Variants in ERBB4 observed in about 807,000 individuals in gnomAD.
ERBB4 encodes erb-b2 receptor tyrosine kinase 4, also known as receptor tyrosine-protein kinase erbB-4.
Under a neutral mutation model 158.0 loss-of-function variants are expected in ERBB4, and 42 were observed. The ratio of observed to expected loss-of-function variants is 0.27; its 90% CI spans 0.21 to 0.34. ERBB4 has a LOEUF of 0.34. Among genes scored for constraint, ERBB4 ranks in the 10% least tolerant of loss-of-function variants. ERBB4 has a pLI of 1.00. For missense variants in ERBB4, 1,333 were observed against 1,624.1 expected (o/e 0.82, Z 3.08); for synonymous variants, 583 against 558.7 (o/e 1.04, Z -0.61).
chr2:211,785,278 T>G (rs567661925), intron 4 of ERBB4, among the ~76,000 whole-genome samples: 1 of 152,124 alleles, frequency 6.6e-6, no homozygotes, highest in East Asian at 1.9e-4. Flanking sequence ...ATTTTTTGTA[T>G]TTTTAGTAGA....
chr2:211,885,817 A>C (rs1377235874), intron 3 of ERBB4, among the ~76,000 whole-genome samples: 2 of 152,126 alleles, frequency 1.3e-5, no homozygotes, highest in African/African-American at 4.8e-5. Context: ...AAGGGAAGCA[A>C]TATCAGTTTA....
intron 2 of ERBB4, among the ~76,000 whole-genome samples, chr2:211,965,621 T>C (rs1157823514): frequency 6.6e-6 from 1 of 152,128 alleles, no homozygotes; most frequent in Non-Finnish European, 1.5e-5. Context: ...AAAATGAAAG[T>C]AGTTGATACT....
chr2:211,395,675 A>G (rs919795432), intron 25 of ERBB4, among the ~76,000 whole-genome samples: 3 of 152,058 alleles, frequency 2.0e-5, no homozygotes, highest in African/African-American at 7.2e-5. Context: ...GACAAATGGG[A>G]TAATTAATAT....
chr2:211,685,778 C>T (rs1158342334), intron 12 of ERBB4, among the ~76,000 whole-genome samples: 1 of 152,134 alleles, frequency 6.6e-6, no homozygotes, highest in Non-Finnish European at 1.5e-5. Flanking sequence ...CATTTATTTA[C>T]ACCTGCTTTG....
chr2:211,515,896 T>TTATATATATATATATATA lies in ERBB4; in HGVS notation c.2487+46006_2487+46007insTATATATATATATATATA, dbSNP rs1206265176. 3.4e-3 allele frequency among the ~76,000 whole-genome samples: 305 copies of TTATATATATATATATATA among 88,790 alleles called. 5 individuals carry two copies. The highest frequency in any genetic ancestry group is 5.5e-3 in the Non-Finnish European group (261 of 47,866). 58.2% of individuals were successfully genotyped at this position (88,790 alleles called of 152,430 possible). ...TTAGTAACTTATATAAAAACATATA[T>TTATATATATATATATATA]TATATATATATATATATTTTTTTTT... On this transcript the variant is annotated intron_variant, in intron 20 of 27. Coordinates refer to ENST00000342788, the MANE Select transcript of ERBB4 (RefSeq NM_005235.3).
rs1283761845 is a variant in ERBB4 at position 211,420,625 on chromosome 2, T to A, written c.2965-14A>T. 4.4e-6 allele frequency: 7 copies of A among 1,604,074 alleles called. No individual in the cohort carries two copies. The highest frequency in any genetic ancestry group is 2.2e-5 in the East Asian group (1 of 44,702). On this transcript the variant is annotated splice_polypyrimidine_tract_variant and intron_variant, in intron 24 of 27. Coordinates refer to ENST00000342788, the MANE Select transcript of ERBB4 (RefSeq NM_005235.3). Reference sequence around the variant, plus strand: ...ACGATCATCACCCTAAAAGAAAGATTGCCCATCAGACACAAATATGATTCT... The same window carrying A: ...ACGATCATCACCCTAAAAGAAAGATAGCCCATCAGACACAAATATGATTCT...
chr2:212,017,233 C>T (rs1225371434), intron 2 of ERBB4, among the ~76,000 whole-genome samples: 1 of 151,982 alleles, frequency 6.6e-6, no homozygotes, highest in African/African-American at 2.4e-5. Flanking sequence ...TGGAAAAATA[C>T]ATTGTTTTTA....
At position 211,889,167 on chromosome 2, in the gene ERBB4, G is replaced by C. The variant is rs1038431840; in HGVS notation, c.421+58263C>G. 3.5e-5 allele frequency among the ~76,000 whole-genome samples: 5 copies of C among 143,788 alleles called. 1 individual carries two copies. The highest frequency in any genetic ancestry group is 1.4e-4 in the African/African-American group (5 of 35,884). 94.3% of individuals were successfully genotyped at this position (143,788 alleles called of 152,430 possible). A position where few individuals can be genotyped will look rare whatever the true frequency, so the allele number is the denominator to read the frequency against. On this transcript the variant is annotated intron_variant, in intron 3 of 27. Coordinates refer to ENST00000342788, the MANE Select transcript of ERBB4 (RefSeq NM_005235.3). The stretch of plus-strand genomic sequence containing the variant: ...TGTCCCTGTCTGACAGCTTTGAAGA[G>C]AGCAGTGGTTCTCCCAGCACGCAGC...
chr2:212,254,154 TA>T (rs11339499), intron 1 of ERBB4, among the ~76,000 whole-genome samples: 11,439 of 152,154 alleles, frequency 0.075, 636 homozygotes, highest in African/African-American at 0.16. Flanking sequence ...ACCATATAAA[TA>T]ACATACAATT....
intron 1 of ERBB4, among the ~76,000 whole-genome samples, chr2:212,372,519 G>C (rs2090124223): frequency 6.6e-6 from 1 of 152,062 alleles, no homozygotes; most frequent in African/African-American, 2.4e-5. Context: ...GGAGGTTGAG[G>C]CGGGCGGATC....
intron 16 of ERBB4, among the ~76,000 whole-genome samples, chr2:211,656,031 A>G (rs964637825): frequency 2.6e-5 from 4 of 152,246 alleles, no homozygotes; most frequent in African/African-American, 9.6e-5. Flanking sequence ...CACAGATTTG[A>G]ATCTCATAAA....
intron 3 of ERBB4, among the ~76,000 whole-genome samples, chr2:211,936,841 G>A (rs2080337511): frequency 6.6e-6 from 1 of 151,992 alleles, no homozygotes; most frequent in Non-Finnish European, 1.5e-5. Context: ...CATTTATTAT[G>A]CCAAAAAGTG....
intron 1 of ERBB4, among the ~76,000 whole-genome samples, chr2:212,524,654 G>T (rs893230181): frequency 7.3e-5 from 11 of 151,652 alleles, no homozygotes; most frequent in Non-Finnish European, 7.4e-5. Flanking sequence ...CAATATGTGG[G>T]CAGTGGCATC....
intron 1 of ERBB4, among the ~76,000 whole-genome samples, chr2:212,240,665 A>AAAAAAAAAC (rs1559823350): frequency 2.1e-5 from 3 of 145,900 alleles, no homozygotes; most frequent in African/African-American, 7.9e-5. Context: ...AAAAAAAAAA[A>AAAAAAAAAC]AACAGAAAAA....
At chr2:211,571,078 C>G (rs2067715560) in intron 19 of ERBB4, among the ~76,000 whole-genome samples, 1 of 116,416 alleles carries the variant, frequency 8.6e-6, no homozygotes, top group East Asian at 2.6e-4. Flanking sequence ...GAGTCTTGCT[C>G]TGTCGCCAGG....
At chr2:211,423,988 C>T (rs1295500824) in intron 23 of ERBB4, among the ~76,000 whole-genome samples, 167 bp downstream of exon 23, 1 of 151,924 alleles carries the variant, frequency 6.6e-6, no homozygotes, top group African/African-American at 2.4e-5. Context: ...AAGAGTATTA[C>T]TTTATATTAA....
intron 20 of ERBB4, among the ~76,000 whole-genome samples, chr2:211,496,013 C>T (rs950424582): frequency 3.5e-4 from 53 of 151,908 alleles, no homozygotes; most frequent in Admixed American, 1.9e-3. Flanking sequence ...CTATTTGACC[C>T]ATCAACAGCA....
chr2:211,927,152 C>A (rs866551939), intron 3 of ERBB4, among the ~76,000 whole-genome samples: 1 of 152,152 alleles, frequency 6.6e-6, no homozygotes, highest in Middle Eastern at 3.4e-3. Context: ...AGGACCTAAC[C>A]AAATTATATC....
intron 22 of ERBB4, among the ~76,000 whole-genome samples, chr2:211,424,631 T>C (rs17746271): frequency 0.029 from 4,410 of 152,202 alleles, 115 homozygotes; most frequent in Non-Finnish European, 0.046. Context: ...CACGTTACAG[T>C]CCATAAAACA....
Sources: gnomAD v4.1 joint callset for allele counts (sites outside exome capture counted in the v4.1 genomes callset) on GRCh38, gnomAD v4.1.1 for gene constraint, MANE v1.5 for transcripts, NCBI Gene and HGNC (gene_info 2026-07-23, HGNC 2026-07-21) for gene names.